The following FBXL20 variants were observed in gnomAD, a reference collection of about 807,000 sequenced individuals.
FBXL20 encodes the protein F-box/LRR-repeat protein 20.
Under a neutral mutation model 64.0 loss-of-function variants are expected in FBXL20, and 11 were observed. The observed-to-expected ratio is 0.17, with a 90% confidence interval of 0.11 to 0.28. The LOEUF (loss-of-function observed/expected upper bound fraction) is 0.28, where lower values mean the gene tolerates loss of function less well. Ranked by LOEUF, FBXL20 falls within the 10% of genes least tolerant of loss-of-function variation. The probability of loss-of-function intolerance (pLI) is 1.00; values close to 1 mark genes in which losing one functional copy is unlikely to be tolerated. For synonymous variants in FBXL20, 184 were observed against 189.0 expected (o/e 0.97, Z 0.22); for missense variants, 303 against 526.2 (o/e 0.58, Z 4.15).
intron 2 of FBXL20, among the ~76,000 whole-genome samples, chr17:39,313,784 C>A (rs369328005): frequency 2.0e-5 from 3 of 151,920 alleles, no homozygotes; most frequent in African/African-American, 7.3e-5. Context: ...TACAGGCATG[C>A]GCCACCATAC....
At chr17:39,309,803 AAAGAAAAGAAAAAT>A (rs2047215706) in intron 2 of FBXL20, among the ~76,000 whole-genome samples, 2 of 151,296 alleles carry the variant, frequency 1.3e-5, no homozygotes, top group African/African-American at 4.9e-5. Flanking sequence ...AAAAAAAAAA[AAAGAAAAGAAAAAT>A]AAAGAAAAGA....
At chr17:39,343,695 CTTTTTTTTTT>C (rs66827882) in intron 1 of FBXL20, among the ~76,000 whole-genome samples, 2 of 134,604 alleles carry the variant, frequency 1.5e-5, no homozygotes, top group Admixed American at 1.5e-4. Context: ...GGCGAAAACT[CTTTTTTTTTT>C]TTTTTTTTGA....
chr17:39,387,886 G>A (rs942191741), intron 1 of FBXL20, among the ~76,000 whole-genome samples: 5 of 151,990 alleles, frequency 3.3e-5, no homozygotes, highest in African/African-American at 1.2e-4. Flanking sequence ...CCTTAACTAC[G>A]TTTCCAACTT....
At chr17:39,346,321 A>T (rs1438960479) in intron 1 of FBXL20, among the ~76,000 whole-genome samples, 3 of 151,990 alleles carry the variant, frequency 2.0e-5, no homozygotes, top group Non-Finnish European at 4.4e-5. Context: ...AGACTGGGCG[A>T]CAGAGTGAGA....
chr17:39,365,047 T>C (rs758891731), intron 1 of FBXL20, among the ~76,000 whole-genome samples: 16 of 152,224 alleles, frequency 1.1e-4, no homozygotes, highest in Non-Finnish European at 2.2e-4. Context: ...AGAAATTTCA[T>C]AGATTAAGCA....
In FBXL20 at chr17:39,339,945, T is replaced by C. The variant is rs1597807371; in HGVS notation, c.104+3235A>G. ...ACAGGCATGAGCCACCGTAACTGGA[T>C]TTTTTTTTTTTGAAATGCAGTCTCG... On this transcript the variant is annotated intron_variant, in intron 2 of 14. Coordinates refer to ENST00000264658, the MANE Select transcript of FBXL20 (RefSeq NM_032875.3). Among the ~76,000 whole-genome samples the C allele has an allele frequency of 2.7e-5, 4 of 146,390 alleles. No homozygotes were observed. The South Asian group carries it at 8.6e-4, about 32-fold the overall frequency.
At chr17:39,320,697 C>T (rs527264861) in intron 2 of FBXL20, among the ~76,000 whole-genome samples, 8 of 151,304 alleles carry the variant, frequency 5.3e-5, no homozygotes, top group East Asian at 1.9e-4. Flanking sequence ...CAGGCTCAAG[C>T]GATTCTCCTG....
chr17:39,253,542 A>C lies in FBXL20; in HGVS notation c.*7918T>G, dbSNP rs1420968235. ...GGGCTCCAAGAGCCACACCATGGTG[A>C]GAAAGGACATGGGTAGCTTCTGAGG... On this transcript the variant is annotated 3_prime_UTR_variant, in exon 15 of 15. Transcript: ENST00000264658. The C allele has an allele frequency of 1.3e-5, 2 of 152,364 alleles. No individual in the cohort carries two copies. Among genetic ancestry groups the C allele is most frequent in the Non-Finnish European group, 2.9e-5 (2 of 68,046 alleles). The allele number at this position is 152,364 out of a possible 1,614,324, so 9.4% of individuals were successfully genotyped here.
chr17:39,397,724 G>T (rs1269903206), intron 1 of FBXL20, among the ~76,000 whole-genome samples: 1 of 151,812 alleles, frequency 6.6e-6, no homozygotes, highest in African/African-American at 2.4e-5. Context: ...CCGGCGAAAG[G>T]ATTGCTCAAG....
intron 10 of FBXL20, among the ~76,000 whole-genome samples, chr17:39,274,494 T>C (rs966482620): frequency 1.3e-5 from 2 of 152,140 alleles, no homozygotes; most frequent in Non-Finnish European, 2.9e-5. Flanking sequence ...CACAGCATTC[T>C]TCAAACTGAG....
In FBXL20 at chr17:39,353,299, C is replaced by G. The variant is rs979071312; in HGVS notation, c.43-10058G>C. ...AACTTACTAAAACTTACTAAACTTACTAAGTACCTCCTTATCAGTGGTTTT... is the reference window on the plus strand; with the variant it reads ...AACTTACTAAAACTTACTAAACTTAGTAAGTACCTCCTTATCAGTGGTTTT... On this transcript the variant is annotated intron_variant, in intron 1 of 14. Transcript: ENST00000264658. 2.0e-5 allele frequency among the ~76,000 whole-genome samples: 3 copies of G among 152,106 alleles called. No homozygotes were observed. The East Asian group carries it at 5.8e-4, about 29-fold the overall frequency.
At chr17:39,342,941 A>T (rs1343257596) in intron 2 of FBXL20, among the ~76,000 whole-genome samples, 1 of 152,190 alleles carries the variant, frequency 6.6e-6, no homozygotes, top group African/African-American at 2.4e-5. Context: ...AAAAGGGAAA[A>T]TATGTACATA....
chr17:39,345,993 T>C (rs2047629324), intron 1 of FBXL20, among the ~76,000 whole-genome samples: 1 of 152,092 alleles, frequency 6.6e-6, no homozygotes, highest in African/African-American at 2.4e-5. Flanking sequence ...CTGGGCAACA[T>C]GGTGAAATCC....
chr17:39,359,918 A>C lies in FBXL20; in HGVS notation c.43-16677T>G, dbSNP rs190189103. ...ATAAACAAAATGTGCTTTTTACATAAAATGGAATATTTAGTATTAAAAAGC... is the reference window on the plus strand; with the variant it reads ...ATAAACAAAATGTGCTTTTTACATACAATGGAATATTTAGTATTAAAAAGC... On this transcript the variant is annotated intron_variant, in intron 1 of 14. Coordinates refer to ENST00000264658, the MANE Select transcript of FBXL20 (RefSeq NM_032875.3). Among the ~76,000 whole-genome samples, 15 of 152,320 alleles carry C rather than the reference A, an allele frequency of 9.8e-5. 1 individual carries two copies. In the East Asian group the frequency reaches 2.7e-3, roughly 27 times the overall value.
At chr17:39,289,679 T>A (rs571344169) in intron 6 of FBXL20, among the ~76,000 whole-genome samples, 2 of 150,322 alleles carry the variant, frequency 1.3e-5, no homozygotes, top group Non-Finnish European at 3.0e-5. Flanking sequence ...ACCCAAACTA[T>A]AACAATACTG....
chr17:39,291,360 G>A (rs767462832), intron 6 of FBXL20, among the ~76,000 whole-genome samples: 15 of 151,690 alleles, frequency 9.9e-5, no homozygotes, highest in Non-Finnish European at 1.8e-4. Context: ...TAGGTAGGGA[G>A]GGAGGGAGGA....
Position 39,260,465 on chromosome 17 carries a change from A to G in FBXL20, c.*995T>C, listed in dbSNP as rs1210577635. ...CATGCGAATTATCACATATCAGAAG[A>G]TAAAATAGAAACCAAAAGGTAGCAT... On this transcript the variant is annotated 3_prime_UTR_variant, in exon 15 of 15. Coordinates refer to ENST00000264658, the MANE Select transcript of FBXL20 (RefSeq NM_032875.3). The G allele has an allele frequency of 3.3e-5, 5 of 152,240 alleles. No homozygotes were observed. Among genetic ancestry groups the G allele is most frequent in the Non-Finnish European group, 7.3e-5 (5 of 68,042 alleles). 9.4% of individuals were successfully genotyped at this position (152,240 alleles called of 1,614,324 possible).
intron 2 of FBXL20, among the ~76,000 whole-genome samples, chr17:39,339,708 C>T (rs1003500287): frequency 6.6e-6 from 1 of 151,868 alleles, no homozygotes; most frequent in Non-Finnish European, 1.5e-5. Context: ...TGCAGTGGCA[C>T]GTGATCTCAG....
At chr17:39,327,407 T>G (rs1368575080) in intron 2 of FBXL20, among the ~76,000 whole-genome samples, 2 of 152,164 alleles carry the variant, frequency 1.3e-5, no homozygotes, top group Non-Finnish European at 2.9e-5. Context: ...TGGAGTTATA[T>G]TTCTTCCTTG....
Sources: allele counts gnomAD v4.1 joint callset (sites outside exome capture counted in the v4.1 genomes callset), GRCh38; gene constraint gnomAD v4.1.1; transcripts MANE v1.5; gene names NCBI Gene and HGNC (gene_info 2026-07-23, HGNC 2026-07-21).